RBM20: variants seen among roughly 807,000 people sequenced by gnomAD.
RBM20 encodes RNA-binding protein 20.
A neutral mutation model predicts 110.1 loss-of-function variants in RBM20; 51 were observed. The ratio of observed to expected loss-of-function variants is 0.46; its 90% CI spans 0.37 to 0.59. The LOEUF is 0.59. Among genes scored for constraint, RBM20 ranks in the 20% least tolerant of loss-of-function variants. The pLI is 0.00. For synonymous variants in RBM20, 589 were observed against 618.2 expected (o/e 0.95, Z 0.70); for missense variants, 1,512 against 1,574.9 (o/e 0.96, Z 0.68).
At chr10:110,822,978 C>T (rs916773181) in intron 11 of RBM20, among the ~76,000 whole-genome samples, 6 of 152,098 alleles carry the variant, frequency 3.9e-5, no homozygotes, top group Non-Finnish European at 5.9e-5. Context: ...TTTTATTTTG[C>T]GGTATAGGTC....
At chr10:110,695,164 C>G (rs1202460074) in intron 1 of RBM20, among the ~76,000 whole-genome samples, 1 of 152,172 alleles carries the variant, frequency 6.6e-6, no homozygotes, top group Non-Finnish European at 1.5e-5. Flanking sequence ...CTGGCCCCTG[C>G]TGAGTGGATG....
chr10:110,669,661 G>T (rs769892454), intron 1 of RBM20, among the ~76,000 whole-genome samples: 2 of 152,222 alleles, frequency 1.3e-5, no homozygotes, highest in African/African-American at 2.4e-5. Flanking sequence ...GGCTCAAGCG[G>T]TCCTCCAGCT....
intron 1 of RBM20, among the ~76,000 whole-genome samples, chr10:110,698,711 C>T (rs987822709): frequency 1.3e-5 from 2 of 152,216 alleles, no homozygotes; most frequent in African/African-American, 4.8e-5. Context: ...GGGTACCCCT[C>T]TCTGTCCCAC....
intron 5 of RBM20, 105 bp downstream of exon 5, chr10:110,784,994 A>T (rs532919796): frequency 1.4e-6 from 1 of 718,270 alleles, no homozygotes; most frequent in East Asian, 2.8e-5. Context: ...TGGTGCAATC[A>T]TATCTCACTG....
chr10:110,838,945 G>A lies in RBM20; in HGVS notation c.*2967G>A, dbSNP rs1354764177. 3 of 152,214 alleles carry A rather than the reference G, an allele frequency of 2.0e-5. No homozygotes were observed. Among genetic ancestry groups the A allele is most frequent in the Non-Finnish European group, 4.4e-5 (3 of 68,048 alleles). 9.4% of individuals were successfully genotyped at this position (152,214 alleles called of 1,614,324 possible). A position where few individuals can be genotyped will look rare whatever the true frequency, so the allele number is the denominator to read the frequency against. ...TTCTATGTGTGCCACACACAATGCA[G>A]TATTAATGGCAACCAGGTAAATATT... On this transcript the variant is annotated 3_prime_UTR_variant, in exon 14 of 14. Coordinates refer to ENST00000369519, the MANE Select transcript of RBM20 (RefSeq NM_001134363.3).
chr10:110,823,431 C>CTT (rs201149204), intron 11 of RBM20, 49 bp from the exon 12 acceptor site: 105 of 1,303,002 alleles, frequency 8.1e-5, no homozygotes, highest in African/African-American at 7.2e-4. Flanking sequence ...TGTTGTATTT[C>CTT]TTTTTTTTTT....
intron 1 of RBM20, among the ~76,000 whole-genome samples, chr10:110,731,886 A>G (rs1190847057): frequency 3.3e-5 from 5 of 152,236 alleles, no homozygotes; most frequent in Admixed American, 1.3e-4. Flanking sequence ...GATTCGAGGT[A>G]TAAAGCTGGT....
chr10:110,643,269 G>A (rs1861813416), upstream of RBM20, among the ~76,000 whole-genome samples: 1 of 152,234 alleles, frequency 6.6e-6, no homozygotes, highest in African/African-American at 2.4e-5. Flanking sequence ...CCGGACAGCC[G>A]GTAAGGTCTA....
intron 1 of RBM20, among the ~76,000 whole-genome samples, chr10:110,687,056 AAG>A (rs1590617421): frequency 6.6e-6 from 1 of 151,926 alleles, no homozygotes; most frequent in East Asian, 1.9e-4. Context: ...AAAAAAAAAA[AAG>A]AAAAAATTTG....
chr10:110,802,584 G>A (rs11195330), intron 7 of RBM20, among the ~76,000 whole-genome samples: 111,168 of 152,002 alleles, frequency 0.73, 40,803 homozygotes, highest in Middle Eastern at 0.77. Context: ...TAGGATTAAC[G>A]GCAGTAATTG....
Position 110,821,687 on chromosome 10 carries a change from A to G in RBM20, c.3068A>G (p.Asp1023Gly). ...ACAGGCCTCTCCCTGGAGGATTCAG[A>G]TTGCTACGAGAAGGAGGCAAAGGGA... Reference protein sequence around the residue: ...SETGLSLEDSDCYEKEAKGVE... With the variant: ...SETGLSLEDSGCYEKEAKGVE... The change falls in exon 11 of 14, where the codon GAT (aspartate) becomes GGT (glycine). Residue 1023 changes from aspartate (D) to glycine (G), a missense_variant. This residue lies in a region of RBM20 where 358 missense variants were observed against 384.2 expected (regional missense o/e 0.93). Transcript: ENST00000369519. 6.4e-7 allele frequency: 1 copy of G among 1,551,776 alleles called. No homozygotes were observed. Among genetic ancestry groups the G allele is most frequent in the Non-Finnish European group, 8.7e-7 (1 of 1,147,006 alleles).
chr10:110,814,228 C>A (rs1323250634), intron 9 of RBM20, among the ~76,000 whole-genome samples: 1 of 152,180 alleles, frequency 6.6e-6, no homozygotes, highest in African/African-American at 2.4e-5. Context: ...TGGAGTGCCA[C>A]TTTGCCAGGT....
rs149949554 is a variant in RBM20 at position 110,646,613 on chromosome 10, G to A, written c.191+1968G>A. Among the ~76,000 whole-genome samples the A allele has an allele frequency of 2.2e-3, 341 of 152,358 alleles. 2 individuals are homozygous for A. Among genetic ancestry groups the A allele is most frequent in the African/African-American group, 7.8e-3 (323 of 41,580 alleles). ...CGTTTCAGTCTTTCTTTACAAGGAT[G>A]ATTTGGAGCTTGTGCTCTCCTTAGT... On this transcript the variant is annotated intron_variant, in intron 1 of 13. Transcript: ENST00000369519.
chr10:110,728,398 C>CA (rs1443540643), intron 1 of RBM20, among the ~76,000 whole-genome samples: 3 of 152,150 alleles, frequency 2.0e-5, no homozygotes, highest in Admixed American at 2.0e-4. Context: ...GGTTACCTCT[C>CA]AGAGTCCAGG....
chr10:110,800,209 G>T (rs771899559), intron 7 of RBM20, among the ~76,000 whole-genome samples: 2 of 152,214 alleles, frequency 1.3e-5, no homozygotes, highest in African/African-American at 4.8e-5. Context: ...AGAAGGGAAA[G>T]GTGCTGAGAG....
chr10:110,780,500 C>T (rs1001292745), intron 1 of RBM20, among the ~76,000 whole-genome samples: 13 of 152,222 alleles, frequency 8.5e-5, no homozygotes, highest in Admixed American at 2.6e-4. Context: ...CTCTCCAACA[C>T]GGAGTGCCAT....
At position 110,827,039 on chromosome 10, in the gene RBM20, G is replaced by A. The variant is rs1844990697; in HGVS notation, c.3451+3425G>A. Reference sequence around the variant, plus strand: ...TGTATTTGTTAATAGTCTTCAGTTAGCTTTGAGATTCATTATCTCATTGGT... The same window carrying A: ...TGTATTTGTTAATAGTCTTCAGTTAACTTTGAGATTCATTATCTCATTGGT... On this transcript the variant is annotated intron_variant, in intron 12 of 13. Coordinates refer to ENST00000369519, the MANE Select transcript of RBM20 (RefSeq NM_001134363.3). 2.0e-5 allele frequency among the ~76,000 whole-genome samples: 3 copies of A among 152,080 alleles called. No homozygotes were observed. In the South Asian group the frequency reaches 6.2e-4, roughly 32 times the overall value.
At chr10:110,789,001 C>T (rs1023055429) in intron 5 of RBM20, among the ~76,000 whole-genome samples, 8 of 152,220 alleles carry the variant, frequency 5.3e-5, no homozygotes, top group Admixed American at 1.3e-4. Context: ...CCCTTTCAGC[C>T]CTCACAGAGA....
At position 110,821,606 on chromosome 10, in the gene RBM20, A is replaced by G. The variant is rs1209927954; in HGVS notation, c.2987A>G (p.Asp996Gly). The change falls in exon 11 of 14, where the codon GAC (aspartate) becomes GGC (glycine). Residue 996 changes from aspartate (D) to glycine (G), a missense_variant. Coordinates refer to ENST00000369519, the MANE Select transcript of RBM20 (RefSeq NM_001134363.3). ...TCCACAAGCTGTCCCAGTGACATGG[A>G]CGTGGAAATGCCTGGCCTAAATCTG... ...SASTSCPSDM[D>G]VEMPGLNLDA... is the part of the protein sequence containing the mutation. 2 of 1,551,330 alleles carry G rather than the reference A, an allele frequency of 1.3e-6. No individual in the cohort carries two copies. The highest frequency in any genetic ancestry group is 1.4e-5 in the African/African-American group (1 of 73,158).
Sources: gnomAD v4.1 joint callset for allele counts (sites outside exome capture counted in the v4.1 genomes callset) on GRCh38, gnomAD v4.1.1 for gene constraint, gnomAD v4.1.1 regional missense constraint, MANE v1.5 for transcripts, NCBI Gene and HGNC (gene_info 2026-07-23, HGNC 2026-07-21) for gene names.